FBXL13: variants seen among roughly 807,000 people sequenced by gnomAD.
FBXL13 encodes the protein F-box and leucine rich repeat protein 13, also known as F-box and leucine-rich repeat protein 13.
FBXL13 carries 67 observed loss-of-function variants against 83.6 expected under a neutral mutation model. That is an observed-to-expected ratio of 0.80 (90% CI 0.66 to 0.98). FBXL13 has a LOEUF of 0.98. Among genes scored for constraint, FBXL13 ranks in the 50% least tolerant of loss-of-function variants. The pLI, the probability that FBXL13 is intolerant of heterozygous loss-of-function variation, is 0.00. For missense variants in FBXL13, 822 were observed against 866.5 expected (o/e 0.95, Z 0.64); for synonymous variants, 272 against 299.5 (o/e 0.91, Z 0.95).
intron 6 of FBXL13, among the ~76,000 whole-genome samples, chr7:103,000,537 C>A (rs1401501742): frequency 6.6e-6 from 1 of 152,188 alleles, no homozygotes; most frequent in African/African-American, 2.4e-5. Context: ...GCTTTACATG[C>A]TAAAGAAAAC....
rs1000684350 is a variant in FBXL13, at chr7:103,018,152, A to T, written c.495+6911T>A. 2.0e-5 allele frequency among the ~76,000 whole-genome samples: 3 copies of T among 152,240 alleles called. No individual in the cohort carries two copies. In the South Asian group the frequency reaches 6.2e-4, roughly 31 times the overall value. On this transcript the variant is annotated intron_variant, in intron 6 of 19. Transcript: ENST00000313221. Reference sequence around the variant, plus strand: ...TGGCAGAAATTCTACAAGCCAGAAGAGAGTGGGGGCCAATATTCAAAATTC... The same window carrying T: ...TGGCAGAAATTCTACAAGCCAGAAGTGAGTGGGGGCCAATATTCAAAATTC...
intron 1 of FBXL13, among the ~76,000 whole-genome samples, chr7:103,060,046 A>T (rs1459315631): frequency 1.0e-5 from 1 of 100,384 alleles, no homozygotes; most frequent in African/African-American, 4.5e-5. Context: ...ATATATATAT[A>T]TATATATATA....
chr7:102,973,294 T>C, intron 6 of FBXL13: 2 of 507,048 alleles, frequency 3.9e-6, no homozygotes, highest in East Asian at 4.4e-5. Flanking sequence ...ACAAGGCCAC[T>C]TGTACCAGCA....
intron 8 of FBXL13, chr7:102,939,578 C>G: frequency 1.2e-6 from 2 of 1,612,784 alleles, no homozygotes; most frequent in Non-Finnish European, 1.7e-6. Context: ...TTGAATTCAT[C>G]GATCCTGGTA....
At chr7:103,020,373 G>C (rs1308782752) in intron 6 of FBXL13, among the ~76,000 whole-genome samples, 1 of 152,178 alleles carries the variant, frequency 6.6e-6, no homozygotes, top group South Asian at 2.1e-4. Flanking sequence ...ATATCATAAT[G>C]AATGAGCAAA....
At chr7:103,059,210 C>G (rs1484024284) in intron 1 of FBXL13, among the ~76,000 whole-genome samples, 1 of 152,168 alleles carries the variant, frequency 6.6e-6, no homozygotes, top group Non-Finnish European at 1.5e-5. Flanking sequence ...CCCAGGAGTT[C>G]AAGGCTGCAG....
chr7:103,025,144 T>C (rs144213108), exon 6 of FBXL13: 49 of 1,612,348 alleles, frequency 3.0e-5, no homozygotes, highest in Non-Finnish European at 4.1e-5. Context: ...AAGAACTTCG[T>C]TCAGGAAAAT....
Position 102,889,877 on chromosome 7 carries a change from G to A in FBXL13, c.1009-5565C>T, listed in dbSNP as rs183824246. 4.2e-4 allele frequency among the ~76,000 whole-genome samples: 64 copies of A among 151,780 alleles called. No individual in the cohort carries two copies. The South Asian group carries it at 4.4e-3, about 10-fold the overall frequency. ...TTCTCTCTTGCTGTCTTTGTAACAC[G>A]TTCATGACAAGATTTCCTGAACAAG... On this transcript the variant is annotated intron_variant, in intron 11 of 19. Transcript: ENST00000313221.
chr7:103,006,742 G>A (rs143779292), intron 6 of FBXL13, among the ~76,000 whole-genome samples: 176 of 152,064 alleles, frequency 1.2e-3, no homozygotes, highest in African/African-American at 4.1e-3. Context: ...AGGAAAACGT[G>A]ACAAATAACT....
chr7:102,843,380 T>A (rs956596842), intron 17 of FBXL13, among the ~76,000 whole-genome samples: 2 of 152,020 alleles, frequency 1.3e-5, no homozygotes. Context: ...GAGGCAGAGG[T>A]TGCAGTGAGC....
intron 17 of FBXL13, among the ~76,000 whole-genome samples, chr7:102,841,901 G>A (rs1035039714): frequency 2.6e-5 from 4 of 152,096 alleles, no homozygotes; most frequent in African/African-American, 9.7e-5. Flanking sequence ...AATTATTCCA[G>A]GTTTTGTAGG....
chr7:102,814,065 A>G (rs10281799), intron 19 of FBXL13, among the ~76,000 whole-genome samples: 2,742 of 152,276 alleles, frequency 0.018, 97 homozygotes, highest in African/African-American at 0.062. Context: ...TCACAACACT[A>G]TAACACAGTA....
At chr7:102,843,976 C>T (rs1383273578) in intron 17 of FBXL13, among the ~76,000 whole-genome samples, 2 of 152,088 alleles carry the variant, frequency 1.3e-5, no homozygotes, top group African/African-American at 4.8e-5. Context: ...ACCTAGGTTA[C>T]ACCCTTAAAA....
intron 6 of FBXL13, among the ~76,000 whole-genome samples, chr7:103,017,757 G>C (rs1585379981): frequency 6.6e-6 from 1 of 150,952 alleles, no homozygotes; most frequent in South Asian, 2.1e-4. Context: ...AATGAAGTGA[G>C]AAGACAAGTT....
chr7:102,835,270 G>A (rs1801674828), intron 17 of FBXL13, among the ~76,000 whole-genome samples: 3 of 152,164 alleles, frequency 2.0e-5, no homozygotes. Context: ...ATTAGAAGGG[G>A]CAGCTTGTCA....
At chr7:102,982,170 A>C (rs1057283876) in intron 6 of FBXL13, among the ~76,000 whole-genome samples, 1 of 152,174 alleles carries the variant, frequency 6.6e-6, no homozygotes, top group African/African-American at 2.4e-5. Flanking sequence ...TGAGGAGTTC[A>C]TAGTGGTTGG....
chr7:103,035,438 G>A (rs1024259966), intron 2 of FBXL13, among the ~76,000 whole-genome samples: 1 of 152,218 alleles, frequency 6.6e-6, no homozygotes, highest in Non-Finnish European at 1.5e-5. Flanking sequence ...TCCCAGGTTG[G>A]TGAGACCTGG....
intron 11 of FBXL13, among the ~76,000 whole-genome samples, chr7:102,886,307 G>A (rs1206367889): frequency 6.6e-6 from 1 of 152,182 alleles, no homozygotes; most frequent in East Asian, 1.9e-4. Context: ...GAGTATGACA[G>A]GGACAATGAG....
At chr7:103,001,084 A>G (rs1790341685) in intron 6 of FBXL13, among the ~76,000 whole-genome samples, 1 of 152,028 alleles carries the variant, frequency 6.6e-6, no homozygotes, top group East Asian at 1.9e-4. Context: ...AGCTGGGACT[A>G]CAGGCACATC....
Sources: allele counts gnomAD v4.1 joint callset (sites outside exome capture counted in the v4.1 genomes callset), GRCh38; gene constraint gnomAD v4.1.1; transcripts MANE v1.5; gene names NCBI Gene and HGNC (gene_info 2026-07-23, HGNC 2026-07-21).